The following LIN7A variants were observed in gnomAD, a reference collection of about 807,000 sequenced individuals.
LIN7A encodes the protein protein lin-7 homolog A.
Under a neutral mutation model 29.8 loss-of-function variants are expected in LIN7A, and 25 were observed. The observed-to-expected ratio is 0.84, with a 90% CI of 0.61 to 1.17. The LOEUF is 1.17. Ranked by LOEUF, LIN7A falls within the 50% of genes most tolerant of loss-of-function variation. LIN7A has a pLI of 0.00. For missense variants in LIN7A, 239 were observed against 287.0 expected (o/e 0.83, Z 1.21); for synonymous variants, 118 against 107.5 (o/e 1.10, Z -0.60).
At chr12:80,861,598 G>A (rs193167943) in intron 2 of LIN7A, 1 of 152,422 alleles carries the variant, frequency 6.6e-6, no homozygotes, top group East Asian at 1.9e-4. Flanking sequence ...TACACCCTGA[G>A]ATGCCACTGC....
At chr12:80,924,750 CAGTT>C (rs1270690498) in intron 1 of LIN7A, among the ~76,000 whole-genome samples, 1 of 152,156 alleles carries the variant, frequency 6.6e-6, no homozygotes, top group Non-Finnish European at 1.5e-5. Context: ...TTACCCCAGT[CAGTT>C]ACTTAGTACA....
chr12:80,819,424 C>A (rs924041293), intron 4 of LIN7A, among the ~76,000 whole-genome samples: 12 of 152,266 alleles, frequency 7.9e-5, no homozygotes, highest in Non-Finnish European at 1.3e-4. Context: ...TTTGTTCTTG[C>A]TTTATGCTAA....
chr12:80,853,095 T>A (rs1873411792), intron 2 of LIN7A, among the ~76,000 whole-genome samples: 1 of 152,214 alleles, frequency 6.6e-6, no homozygotes. Flanking sequence ...GAATTTGTTA[T>A]AACGAAGAAA....
intron 4 of LIN7A, among the ~76,000 whole-genome samples, chr12:80,839,175 C>A (rs568134612): frequency 3.3e-5 from 5 of 152,152 alleles, no homozygotes; most frequent in Non-Finnish European, 5.9e-5. Flanking sequence ...AAAACTTGAT[C>A]TTTTCTACAT....
intron 2 of LIN7A, among the ~76,000 whole-genome samples, chr12:80,868,963 T>C (rs1874283992): frequency 6.6e-6 from 1 of 152,090 alleles, no homozygotes; most frequent in African/African-American, 2.4e-5. Flanking sequence ...TCAACTGCTC[T>C]GCACTTGACA....
chr12:80,827,042 AT>A (rs1409649456), intron 4 of LIN7A, among the ~76,000 whole-genome samples: 3 of 152,092 alleles, frequency 2.0e-5, no homozygotes, highest in Admixed American at 6.6e-5. Flanking sequence ...TAAGAAGGTT[AT>A]TTCATTTCCC....
At chr12:80,884,203 T>C (rs1168840629) in intron 2 of LIN7A, among the ~76,000 whole-genome samples, 5 of 152,226 alleles carry the variant, frequency 3.3e-5, no homozygotes, top group Non-Finnish European at 7.3e-5. Flanking sequence ...TCACAGTTTA[T>C]ACAACATAGT....
chr12:80,918,303 C>A (rs1877124686), intron 1 of LIN7A, among the ~76,000 whole-genome samples: 2 of 152,010 alleles, frequency 1.3e-5, no homozygotes, highest in African/African-American at 4.8e-5. Flanking sequence ...CCATGTTGGC[C>A]TCCCACAGTA....
intron 2 of LIN7A, among the ~76,000 whole-genome samples, chr12:80,865,854 C>A (rs1874111194): frequency 6.6e-6 from 1 of 152,264 alleles, no homozygotes; most frequent in South Asian, 2.1e-4. Flanking sequence ...AGAATTGTTA[C>A]CAGGATTCAC....
intron 1 of LIN7A, among the ~76,000 whole-genome samples, chr12:80,915,928 A>G (rs1197608355): frequency 6.6e-6 from 1 of 152,186 alleles, no homozygotes; most frequent in Non-Finnish European, 1.5e-5. Flanking sequence ...ATTGGGTACT[A>G]TGCTCACTGC....
chr12:80,882,410 A>G (rs1232419834), intron 2 of LIN7A, among the ~76,000 whole-genome samples: 7 of 142,816 alleles, frequency 4.9e-5, no homozygotes, highest in East Asian at 2.0e-4. Context: ...TCAGCCTCCC[A>G]AGTAGCTGGG....
chr12:80,886,878 A>G (rs1851097), intron 2 of LIN7A, among the ~76,000 whole-genome samples: 103,203 of 151,946 alleles, frequency 0.68, 39,050 homozygotes, highest in Non-Finnish European at 0.87. Context: ...GCAAATTCTA[A>G]AATAAAAAAG....
intron 2 of LIN7A, among the ~76,000 whole-genome samples, chr12:80,879,672 A>AAAAG (rs1874920708): frequency 1.3e-5 from 2 of 148,430 alleles, no homozygotes; most frequent in Admixed American, 6.7e-5. Flanking sequence ...AAAAAAAAAA[A>AAAAG]GGAAGAAGTT....
intron 4 of LIN7A, chr12:80,842,223 A>C: frequency 1.2e-6 from 1 of 857,056 alleles, no homozygotes; most frequent in Non-Finnish European, 1.6e-6. Context: ...ATAACCTAAC[A>C]TTCCATGTTA....
intron 2 of LIN7A, among the ~76,000 whole-genome samples, chr12:80,874,709 C>T (rs181192428): frequency 1.0e-3 from 153 of 152,232 alleles, no homozygotes; most frequent in African/African-American, 3.4e-3. Flanking sequence ...TTCGGCTGGC[C>T]GCGGTGGCTC....
At chr12:80,896,704 A>G (rs1875918458) in intron 1 of LIN7A, among the ~76,000 whole-genome samples, 1 of 152,224 alleles carries the variant, frequency 6.6e-6, no homozygotes, top group South Asian at 2.1e-4. Flanking sequence ...CCAACTTTAT[A>G]TTTGTTATCA....
At chr12:80,865,114 T>C (rs547579355) in intron 2 of LIN7A, among the ~76,000 whole-genome samples, 1 of 152,322 alleles carries the variant, frequency 6.6e-6, no homozygotes, top group South Asian at 2.1e-4. Context: ...TCTGATTCCA[T>C]GCCTGTTTCA....
At chr12:80,838,412 T>C (rs1462935216) in intron 4 of LIN7A, among the ~76,000 whole-genome samples, 1 of 152,208 alleles carries the variant, frequency 6.6e-6, no homozygotes, top group African/African-American at 2.4e-5. Context: ...AGATCTCTTA[T>C]TGTGAGCCAA....
chr12:80,808,190 T>G (rs1460862199), intron 5 of LIN7A, among the ~76,000 whole-genome samples: 2 of 152,216 alleles, frequency 1.3e-5, no homozygotes, highest in African/African-American at 2.4e-5. Flanking sequence ...TTAGTCTCTT[T>G]TCCTGGCTTC....
Sources: allele counts gnomAD v4.1 joint callset (sites outside exome capture counted in the v4.1 genomes callset), GRCh38; gene constraint gnomAD v4.1.1; transcripts MANE v1.5; gene names NCBI Gene and HGNC (gene_info 2026-07-23, HGNC 2026-07-21).